The following LGR6 variants were observed in gnomAD, a reference collection of about 807,000 sequenced individuals.
The protein encoded by LGR6 is leucine rich repeat containing G protein-coupled receptor 6.
LGR6 carries 45 observed loss-of-function variants against 69.4 expected under a neutral mutation model. The ratio of observed to expected loss-of-function variants is 0.65; its 90% CI spans 0.51 to 0.83. The LOEUF (loss-of-function observed/expected upper bound fraction) is 0.83, where lower values mean the gene tolerates loss of function less well. Among genes scored for constraint, LGR6 ranks in the 40% least tolerant of loss-of-function variants. The probability of loss-of-function intolerance (pLI) is 0.00; values close to 1 mark genes in which losing one functional copy is unlikely to be tolerated. For missense variants in LGR6, 1,108 were observed against 1,246.7 expected (o/e 0.89, Z 1.68); for synonymous variants, 538 against 555.0 (o/e 0.97, Z 0.43).
At chr1:202,236,531 A>G (rs905487053) in intron 4 of LGR6, among the ~76,000 whole-genome samples, 2 of 152,184 alleles carry the variant, frequency 1.3e-5, no homozygotes, top group African/African-American at 4.8e-5. Flanking sequence ...CTTCTTGTCC[A>G]GCAGGGGCAT....
chr1:202,303,246 C>T, intron 9 of LGR6, 33 bp from the exon 10 acceptor site: 1 of 1,529,428 alleles, frequency 6.5e-7, no homozygotes, highest in Non-Finnish European at 9.1e-7. Flanking sequence ...TGCTCTGACC[C>T]CACCCCTCAG....
chr1:202,305,466 A>G (rs1653088531), intron 11 of LGR6, among the ~76,000 whole-genome samples: 1 of 152,030 alleles, frequency 6.6e-6, no homozygotes, highest in African/African-American at 2.4e-5. Flanking sequence ...ATCTAGGCCC[A>G]ATGAGGAGTG....
intron 1 of LGR6, among the ~76,000 whole-genome samples, chr1:202,216,719 C>G (rs896978201): frequency 2.0e-5 from 3 of 152,188 alleles, no homozygotes; most frequent in Non-Finnish European, 4.4e-5. Context: ...GGGCTGTTCT[C>G]AGGTCACACT....
chr1:202,235,680 T>G (rs536484336), intron 3 of LGR6, among the ~76,000 whole-genome samples: 1 of 152,268 alleles, frequency 6.6e-6, no homozygotes, highest in East Asian at 1.9e-4. Flanking sequence ...GGGTCCCTTC[T>G]GAGATGCTCT....
chr1:202,216,509 G>A (rs1659793353), intron 1 of LGR6, among the ~76,000 whole-genome samples: 1 of 152,240 alleles, frequency 6.6e-6, no homozygotes, highest in African/African-American at 2.4e-5. Flanking sequence ...GCCTTGAAAT[G>A]TGGCTAGTGC....
At chr1:202,316,215 T>G (rs1486534065) in intron 17 of LGR6, among the ~76,000 whole-genome samples, 1 of 152,320 alleles carries the variant, frequency 6.6e-6, no homozygotes, top group East Asian at 1.9e-4. Flanking sequence ...CTCACAATTC[T>G]GGTGGCTGGG....
rs947270491 is a variant in LGR6 at position 202,307,024 on chromosome 1, C to T, written c.1208+85C>T. 40 of 1,198,252 alleles carry T rather than the reference C, an allele frequency of 3.3e-5. No individual in the cohort carries two copies. The South Asian group carries it at 4.9e-4, about 15-fold the overall frequency. The allele number at this position is 1,198,252 out of a possible 1,614,324, so 74.2% of individuals were successfully genotyped here. ...TGCTCATTGTCATAGCACATGTGTA[C>T]AATTTAAGCAAATGTGACATGCACA... On this transcript the variant is annotated intron_variant, in intron 13 of 17. Coordinates refer to ENST00000367278, the MANE Select transcript of LGR6 (RefSeq NM_001017403.2).
intron 1 of LGR6, among the ~76,000 whole-genome samples, chr1:202,198,403 C>T (rs1040273041): frequency 1.8e-4 from 27 of 152,296 alleles, no homozygotes; most frequent in African/African-American, 6.3e-4. Context: ...ATGATGTTTG[C>T]AAAGGGTTTG....
In LGR6 at chr1:202,299,218, C is replaced by G. The variant is rs192072990; in HGVS notation, c.786-1631C>G. ...GAGATTGCAATGAGCGGAGATTGTA[C>G]CACTGTACTCCAGCCTGGGTGACAA... On this transcript the variant is annotated intron_variant, in intron 7 of 17. Transcript: ENST00000367278. Among the ~76,000 whole-genome samples, 66 of 150,478 alleles carry G rather than the reference C, an allele frequency of 4.4e-4. No homozygotes were observed. In the East Asian group the frequency reaches 0.013, roughly 29 times the overall value.
intron 1 of LGR6, among the ~76,000 whole-genome samples, chr1:202,210,398 G>A (rs1361656195): frequency 1.3e-5 from 2 of 148,156 alleles, no homozygotes; most frequent in Non-Finnish European, 3.0e-5. Context: ...ATGAACAAAT[G>A]ACTGGCCAGA....
chr1:202,314,374 C>T (rs1263463207), intron 16 of LGR6, among the ~76,000 whole-genome samples: 1 of 152,194 alleles, frequency 6.6e-6, no homozygotes, highest in African/African-American at 2.4e-5. Context: ...AAACACACTG[C>T]AGCTCACTGA....
chr1:202,205,969 A>AACACACAC lies in LGR6; in HGVS notation c.212+11781_212+11788dup, dbSNP rs10522754. 1.9e-3 allele frequency among the ~76,000 whole-genome samples: 286 copies of AACACACAC among 149,002 alleles called. 2 individuals are homozygous for AACACACAC. The highest frequency in any genetic ancestry group is 0.017 in the East Asian group (83 of 5,000). The stretch of plus-strand genomic sequence containing the variant: ...AGAACACACACACACACAGACACAC[A>AACACACAC]ACACACACACACACACACACCCCTA... On this transcript the variant is annotated intron_variant, in intron 1 of 17. Transcript: ENST00000367278.
intron 1 of LGR6, among the ~76,000 whole-genome samples, chr1:202,198,411 T>A (rs1214022392): frequency 1.3e-5 from 2 of 152,356 alleles, no homozygotes; most frequent in African/African-American, 2.4e-5. Context: ...TGCAAAGGGT[T>A]TGGCATAATG....
intron 4 of LGR6, among the ~76,000 whole-genome samples, chr1:202,274,705 G>A (rs1007475503): frequency 1.3e-5 from 2 of 152,170 alleles, no homozygotes; most frequent in African/African-American, 4.8e-5. Context: ...GTCCATGGGA[G>A]TCCACATTAA....
chr1:202,277,352 T>C (rs1196071587), intron 5 of LGR6, among the ~76,000 whole-genome samples: 2 of 152,098 alleles, frequency 1.3e-5, no homozygotes, highest in African/African-American at 4.8e-5. Flanking sequence ...AATTTGTTTG[T>C]CTAATTCTCT....
At chr1:202,249,635 G>A (rs1206450920) in intron 4 of LGR6, among the ~76,000 whole-genome samples, 6 of 152,130 alleles carry the variant, frequency 3.9e-5, no homozygotes, top group African/African-American at 9.7e-5. Context: ...CCTCTGTTTC[G>A]AGAAATAACA....
intron 4 of LGR6, among the ~76,000 whole-genome samples, chr1:202,253,283 AT>A (rs1663424283): frequency 6.6e-6 from 1 of 152,076 alleles, no homozygotes; most frequent in Non-Finnish European, 1.5e-5. Context: ...TCCTGAGTGC[AT>A]GATAACTGAT....
At chr1:202,214,838 G>A (rs1659654821) in intron 1 of LGR6, among the ~76,000 whole-genome samples, 1 of 152,168 alleles carries the variant, frequency 6.6e-6, no homozygotes, top group African/African-American at 2.4e-5. Context: ...CTTTAGCACA[G>A]TGTGTGATCC....
chr1:202,292,397 C>T (rs933536310), intron 6 of LGR6, among the ~76,000 whole-genome samples: 10 of 152,170 alleles, frequency 6.6e-5, no homozygotes, highest in East Asian at 1.9e-4. Context: ...TGTATAATGG[C>T]ACAAACACAA....
Sources: allele counts gnomAD v4.1 joint callset (sites outside exome capture counted in the v4.1 genomes callset), GRCh38; gene constraint gnomAD v4.1.1; transcripts MANE v1.5; gene names NCBI Gene and HGNC (gene_info 2026-07-23, HGNC 2026-07-21).